The following CLEC6A variants were observed in gnomAD, a reference collection of about 807,000 sequenced individuals.
The protein encoded by CLEC6A is C-type lectin domain family 6 member A.
CLEC6A carries 22 observed loss-of-function variants against 25.7 expected under a neutral mutation model. The observed-to-expected ratio is 0.85, with a 90% CI of 0.61 to 1.22. CLEC6A has a LOEUF of 1.22. Among genes scored for constraint, CLEC6A ranks in the 50% most tolerant of loss-of-function variants. CLEC6A has a pLI of 0.00. For missense variants in CLEC6A, 240 were observed against 236.8 expected (o/e 1.01, Z -0.09); for synonymous variants, 92 against 76.7 (o/e 1.20, Z -1.04).
intron 4 of CLEC6A, among the ~76,000 whole-genome samples, chr12:8,475,517 C>T (rs545957872): frequency 1.7e-4 from 25 of 151,514 alleles, no homozygotes; most frequent in Middle Eastern, 3.4e-3. Context: ...AGTTCAAAGG[C>T]CTGAAATCCA....
intron 4 of CLEC6A, among the ~76,000 whole-genome samples, chr12:8,470,173 T>C (rs371388121): frequency 4.0e-5 from 6 of 151,682 alleles, no homozygotes; most frequent in African/African-American, 9.7e-5. Context: ...ACCAACAAAC[T>C]TATGAAAAAA....
Position 8,456,076 on chromosome 12 carries a change from G to T in CLEC6A, c.-36G>T. The T allele has an allele frequency of 1.2e-6, 2 of 1,611,862 alleles. No individual in the cohort carries two copies. Among genetic ancestry groups the T allele is most frequent in the Non-Finnish European group, 1.7e-6 (2 of 1,178,358 alleles). ...CATCTTTAGGGAGAGAGGTACAAAA[G>T]GTTCCTGGACCTTCTCAACACAGGG... On this transcript the variant is annotated 5_prime_UTR_variant, in exon 1 of 6. It adds an upstream start codon to the 5' untranslated region. Coordinates refer to ENST00000382073, the MANE Select transcript of CLEC6A (RefSeq NM_001007033.2).
At position 8,477,442 on chromosome 12, in the gene CLEC6A, A is replaced by G; in HGVS notation, c.608A>G (p.Glu203Gly). The G allele has an allele frequency of 1.2e-6, 2 of 1,607,918 alleles. No individual in the cohort carries two copies. Among genetic ancestry groups the G allele is most frequent in the Non-Finnish European group, 1.7e-6 (2 of 1,177,156 alleles). ...GAAACTAGAAGGAATTCAATATGTG[A>G]GATGAATAAGATTTACCTATGAGTA... ...ICETRRNSIC[E>G]MNKIYL Residue 203 changes from glutamate to glycine, a missense_variant, in exon 6 of 6, where the codon GAG (glutamate) becomes GGG (glycine). Transcript: ENST00000382073.
chr12:8,456,201 G>A lies in CLEC6A; in HGVS notation c.31+59G>A. On this transcript the variant is annotated intron_variant, in intron 1 of 5. Transcript: ENST00000382073. ...AGTGTATGGTGAAATGAGATCACCTGGAGAGAAGAAGTAGCCAAAGAACAG... is the reference window on the plus strand; with the variant it reads ...AGTGTATGGTGAAATGAGATCACCTAGAGAGAAGAAGTAGCCAAAGAACAG... 3 of 1,526,742 alleles carry A rather than the reference G, an allele frequency of 2.0e-6. 1 individual carries two copies. In the South Asian group the frequency reaches 3.4e-5, roughly 17 times the overall value. 94.6% of individuals were successfully genotyped at this position (1,526,742 alleles called of 1,614,324 possible).
At chr12:8,464,336 T>TCC (rs56131540) in intron 3 of CLEC6A, among the ~76,000 whole-genome samples, 2 of 12,448 alleles carry the variant, frequency 1.6e-4, no homozygotes, top group Non-Finnish European at 5.7e-4. Flanking sequence ...TCTTTTTCTT[T>TCC]TTTTTTTTTT....
rs1020778246 is a variant in CLEC6A, at chr12:8,476,071, C to T, written c.370-54C>T. The T allele has an allele frequency of 6.0e-6, 7 of 1,164,068 alleles. No homozygotes were observed. The African/African-American group carries it at 9.2e-5, about 15-fold the overall frequency. The allele number at this position is 1,164,068 out of a possible 1,614,324, so 72.1% of individuals were successfully genotyped here. Reference sequence around the variant, plus strand: ...CTGAAGGCTATAAGCAACCTTTACTCTGTTCAATCTGGAAATACCAAAGTC... The same window carrying T: ...CTGAAGGCTATAAGCAACCTTTACTTTGTTCAATCTGGAAATACCAAAGTC... On this transcript the variant is annotated intron_variant, in intron 4 of 5. Transcript: ENST00000382073.
At chr12:8,460,581 G>T in intron 3 of CLEC6A, 1 of 1,008,718 alleles carries the variant, frequency 9.9e-7, no homozygotes, top group East Asian at 2.4e-5. Flanking sequence ...AAGGGGAAGA[G>T]CCTTTCTGTC....
In CLEC6A at chr12:8,465,557, T is replaced by C; in HGVS notation, c.297T>C (p.Val99=). 1 of 1,614,116 alleles carries C rather than the reference T, an allele frequency of 6.2e-7. No homozygotes were observed. Among genetic ancestry groups the C allele is most frequent in the Non-Finnish European group, 8.5e-7 (1 of 1,179,970 alleles). ...ACTTCATTTCCAGTGAAGAGAAGGT[T>C]TGGTCTAAGAGTGAGCAGAACTGTG... The part of the protein sequence containing the change: ...SCYFISSEEK[V]WSKSEQNCVE... The change falls in exon 4 of 6, where the codon GTT becomes GTC. Residue 99 remains valine, a synonymous_variant. Coordinates refer to ENST00000382073, the MANE Select transcript of CLEC6A (RefSeq NM_001007033.2).
intron 1 of CLEC6A, among the ~76,000 whole-genome samples, chr12:8,456,921 C>A (rs1250754282): frequency 6.6e-6 from 1 of 151,998 alleles, no homozygotes; most frequent in African/African-American, 2.4e-5. Flanking sequence ...ACCAGCCTGG[C>A]CAACATGGTG....
intron 2 of CLEC6A, among the ~76,000 whole-genome samples, chr12:8,459,324 TG>T (rs978338043): frequency 1.3e-5 from 2 of 152,188 alleles, no homozygotes; most frequent in Non-Finnish European, 2.9e-5. Flanking sequence ...GTTGTGTTTG[TG>T]ATTAATTGTT....
chr12:8,460,603 A>T (rs1178514259), intron 3 of CLEC6A: 18 of 1,210,186 alleles, frequency 1.5e-5, no homozygotes, highest in Non-Finnish European at 2.2e-5. Flanking sequence ...GGCGGAAGCC[A>T]TCACATAAGT....
intron 4 of CLEC6A, among the ~76,000 whole-genome samples, chr12:8,469,161 A>C (rs1939873351): frequency 6.6e-6 from 1 of 152,154 alleles, no homozygotes; most frequent in African/African-American, 2.4e-5. Context: ...GTGGAGAATC[A>C]AATCAAGAAC....
intron 3 of CLEC6A, chr12:8,461,076 A>G (rs1462625129): frequency 6.3e-7 from 1 of 1,595,988 alleles, no homozygotes; most frequent in Non-Finnish European, 8.5e-7. Flanking sequence ...GGATCACCAA[A>G]CCAGTCCACA....
chr12:8,465,353 C>A, intron 3 of CLEC6A, 131 bp from the exon 4 acceptor site: 8 of 818,694 alleles, frequency 9.8e-6, no homozygotes, highest in South Asian at 2.2e-5. Context: ...ATTCTAGGAA[C>A]CCAAATTCTA....
At chr12:8,460,913 A>T in intron 3 of CLEC6A, 1 of 849,226 alleles carries the variant, frequency 1.2e-6, no homozygotes, top group Non-Finnish European at 2.0e-6. Context: ...CCAAACCTTC[A>T]GTCTGTTGCA....
In CLEC6A at chr12:8,469,453, A is replaced by T. The variant is rs1939876689; in HGVS notation, c.369+3824A>T. Among the ~76,000 whole-genome samples, 3 of 152,166 alleles carry T rather than the reference A, an allele frequency of 2.0e-5. No individual in the cohort carries two copies. The South Asian group carries it at 6.2e-4, about 31-fold the overall frequency. ...AAAAAAACCCTAAAATTCATATGGA[A>T]TCAAAAAAGATGCTGCATAGCCAAA... is the stretch of plus-strand genomic sequence containing the variant. On this transcript the variant is annotated intron_variant, in intron 4 of 5. Coordinates refer to ENST00000382073, the MANE Select transcript of CLEC6A (RefSeq NM_001007033.2).
At chr12:8,476,102 C>A in intron 4 of CLEC6A, 23 bp from the exon 5 acceptor site, 1 of 1,471,162 alleles carries the variant, frequency 6.8e-7, no homozygotes, top group Non-Finnish European at 9.5e-7. Context: ...AAGTCTTTGA[C>A]TCCTTTTTTT....
chr12:8,461,281 T>TA, intron 3 of CLEC6A: 1 of 545,500 alleles, frequency 1.8e-6, no homozygotes, highest in Non-Finnish European at 3.3e-6. Context: ...TTTAGGACAG[T>TA]CAAAAAAAAA....
At chr12:8,460,422 C>T (rs773223599) in intron 3 of CLEC6A, among the ~76,000 whole-genome samples, 157 of 152,186 alleles carry the variant, frequency 1.0e-3, no homozygotes, top group African/African-American at 3.5e-3. Context: ...TATTCACTAC[C>T]GGGAGAACAG....
Sources: allele counts gnomAD v4.1 joint callset (sites outside exome capture counted in the v4.1 genomes callset), GRCh38; gene constraint gnomAD v4.1.1; transcripts MANE v1.5; gene names NCBI Gene and HGNC (gene_info 2026-07-23, HGNC 2026-07-21).